The following LEPR variants were observed in gnomAD, a reference collection of about 807,000 sequenced individuals.
The protein encoded by LEPR is leptin receptor, also known as OB receptor.
Under a neutral mutation model 114.7 loss-of-function variants are expected in LEPR, and 56 were observed. That is an observed-to-expected ratio of 0.49 (90% CI 0.39 to 0.61). The LOEUF (loss-of-function observed/expected upper bound fraction) is 0.61. Ranked by LOEUF, LEPR falls within the 20% of genes least tolerant of loss-of-function variation. The pLI is 0.00. For missense variants in LEPR, 1,202 were observed against 1,352.9 expected, an observed-to-expected ratio of 0.89 and a Z score of 1.75; for synonymous variants, 443 against 461.4, an observed-to-expected ratio of 0.96 and a Z score of 0.51.
At position 65,638,318 on chromosome 1, in the gene LEPR, G is replaced by A. The variant is rs1257260128; in HGVS notation, c.*1303G>A. 1 of 151,714 alleles carries A rather than the reference G, an allele frequency of 6.6e-6. No homozygotes were observed. The highest frequency in any genetic ancestry group is 2.4e-5 in the African/African-American group (1 of 41,406). The allele number at this position is 151,714 out of a possible 1,614,324, so 9.4% of individuals were successfully genotyped here. A position where few individuals can be genotyped will look rare whatever the true frequency, so the allele number is the denominator to read the frequency against. The stretch of plus-strand genomic sequence containing the variant: ...CTCATGTTTGCCTTTAACAACTTAA[G>A]ATTAATACATAAGTTTATTATTTAT... On this transcript the variant is annotated 3_prime_UTR_variant, in exon 20 of 20. Coordinates refer to ENST00000349533, the MANE Select transcript of LEPR (RefSeq NM_002303.6).
intron 18 of LEPR, 104 bp downstream of exon 18, chr1:65,621,562 C>T (rs1341531140): frequency 4.3e-6 from 4 of 928,938 alleles, no homozygotes; most frequent in African/African-American, 1.6e-5. Flanking sequence ...CTTCTAAGTG[C>T]TTTTATATGT....
intron 2 of LEPR, among the ~76,000 whole-genome samples, chr1:65,488,376 G>T (rs1336035898): frequency 8.3e-5 from 12 of 145,002 alleles, no homozygotes; most frequent in African/African-American, 3.1e-4. Context: ...ACCCTGGCTG[G>T]AGTACAGTGG....
At chr1:65,512,283 A>C (rs1441289562) in intron 2 of LEPR, among the ~76,000 whole-genome samples, 1 of 152,120 alleles carries the variant, frequency 6.6e-6, no homozygotes, top group East Asian at 1.9e-4. Flanking sequence ...ACCTCCCTCC[A>C]GGCCCCACCT....
chr1:65,488,003 C>CTCCT (rs913913182), intron 2 of LEPR, among the ~76,000 whole-genome samples: 1 of 132,192 alleles, frequency 7.6e-6, no homozygotes, highest in South Asian at 2.4e-4. Flanking sequence ...TTTCTTTCTT[C>CTCCT]TCCTTCCTTC....
At chr1:65,520,136 T>G (rs1437042326) in intron 2 of LEPR, among the ~76,000 whole-genome samples, 2 of 152,174 alleles carry the variant, frequency 1.3e-5, no homozygotes, top group African/African-American at 2.4e-5. Context: ...GTGCTGAGAT[T>G]ACAGGCATGA....
At chr1:65,618,280 C>CCTAATACA in intron 16 of LEPR, 134 bp downstream of exon 16, 1 of 652,562 alleles carries the variant, frequency 1.5e-6, no homozygotes, top group Non-Finnish European at 2.4e-6. Flanking sequence ...ACATATAATC[C>CCTAATACA]TATAACCTTT....
intron 2 of LEPR, among the ~76,000 whole-genome samples, chr1:65,436,663 A>T (rs1646567357): frequency 6.6e-6 from 1 of 152,252 alleles, no homozygotes; most frequent in African/African-American, 2.4e-5. Flanking sequence ...AGTGGTCTTA[A>T]TCCTGAGATT....
intron 2 of LEPR, among the ~76,000 whole-genome samples, chr1:65,478,654 A>G (rs144866905): frequency 6.6e-6 from 1 of 152,360 alleles, no homozygotes; most frequent in Non-Finnish European, 1.5e-5. Flanking sequence ...CACTAAAAAC[A>G]AAAACAAAAA....
chr1:65,498,342 C>T (rs74520806), intron 2 of LEPR, among the ~76,000 whole-genome samples: 7,188 of 152,110 alleles, frequency 0.047, 542 homozygotes, highest in African/African-American at 0.16. Context: ...GAGGGCTTTC[C>T]CCCTTTTCTT....
intron 2 of LEPR, 77 bp from the exon 3 acceptor site, chr1:65,565,469 T>C (rs910448397): frequency 1.8e-5 from 25 of 1,414,780 alleles, no homozygotes; most frequent in East Asian, 2.3e-5. Flanking sequence ...CCTTTCCTTT[T>C]ATGTTTTCCA....
intron 2 of LEPR, among the ~76,000 whole-genome samples, chr1:65,473,281 T>A (rs376317787): frequency 1.3e-5 from 2 of 152,210 alleles, no homozygotes; most frequent in African/African-American, 4.8e-5. Flanking sequence ...CTAAATCCAA[T>A]GCCTAGGCCA....
chr1:65,437,216 A>G (rs1372685361), intron 2 of LEPR, among the ~76,000 whole-genome samples: 1 of 152,124 alleles, frequency 6.6e-6, no homozygotes, highest in Non-Finnish European at 1.5e-5. Context: ...TCAAGATTCC[A>G]TGGTGTGGAA....
At chr1:65,431,735 T>C (rs2100229046) in intron 2 of LEPR, 1 of 1,495,636 alleles carries the variant, frequency 6.7e-7, no homozygotes, top group Non-Finnish European at 9.1e-7. Context: ...ATGCAGAAAA[T>C]AATAGGGATT....
rs187668910 is a variant in LEPR, at chr1:65,590,095, G to C, written c.495-2562G>C. ...TTTTAGTTAGGTCTTAATAATTTCC[G>C]TCAACAGCATTTCATAGTTTTCAAT... On this transcript the variant is annotated intron_variant, in intron 5 of 19. Transcript: ENST00000349533. Among the ~76,000 whole-genome samples, 3 of 151,582 alleles carry C rather than the reference G, an allele frequency of 2.0e-5. No homozygotes were observed. The East Asian group carries it at 5.9e-4, about 30-fold the overall frequency.
intron 2 of LEPR, 63 bp from the exon 3 acceptor site, chr1:65,565,483 A>G: frequency 1.3e-6 from 2 of 1,524,482 alleles, no homozygotes; most frequent in Non-Finnish European, 1.8e-6. Flanking sequence ...TTTTCCACAG[A>G]CAACTTATAT....
chr1:65,558,753 T>C (rs1393192203), intron 2 of LEPR, among the ~76,000 whole-genome samples: 1 of 54,280 alleles, frequency 1.8e-5, no homozygotes, highest in African/African-American at 8.0e-5. Context: ...CCTGTGTCCA[T>C]GTGATCTCAT....
chr1:65,465,476 T>C (rs974749967), intron 2 of LEPR, among the ~76,000 whole-genome samples: 1 of 152,214 alleles, frequency 6.6e-6, no homozygotes, highest in African/African-American at 2.4e-5. Context: ...AAGTGTGATG[T>C]GGTGCTGGGA....
intron 2 of LEPR, among the ~76,000 whole-genome samples, chr1:65,456,491 A>G (rs891905665): frequency 6.6e-6 from 1 of 152,064 alleles, no homozygotes; most frequent in African/African-American, 2.4e-5. Context: ...ATTTTAATGT[A>G]TGTGGTTAGG....
At chr1:65,558,110 C>G (rs937952218) in intron 2 of LEPR, among the ~76,000 whole-genome samples, 1 of 152,172 alleles carries the variant, frequency 6.6e-6, no homozygotes, top group African/African-American at 2.4e-5. Context: ...TATGTTGTAT[C>G]TGTGACACAT....
Sources: allele counts gnomAD v4.1 joint callset (sites outside exome capture counted in the v4.1 genomes callset), GRCh38; gene constraint gnomAD v4.1.1; transcripts MANE v1.5; gene names NCBI Gene and HGNC (gene_info 2026-07-23, HGNC 2026-07-21).